Variants in SAXO1 observed in about 807,000 individuals in gnomAD.
SAXO1 encodes 4930500O09Rik.
A neutral mutation model predicts 17.5 loss-of-function variants in SAXO1; 21 were observed. The observed-to-expected ratio is 1.20, with a 90% confidence interval of 0.85 to 1.72. The LOEUF is 1.72. SAXO1 is among the 40% of genes most tolerant of loss of function. SAXO1 has a pLI of 0.00. For synonymous variants in SAXO1, 274 were observed against 216.5 expected, an observed-to-expected ratio of 1.27 and a Z score of -2.33; for missense variants, 843 against 596.0, an observed-to-expected ratio of 1.41 and a Z score of -4.32.
intron 1 of SAXO1, among the ~76,000 whole-genome samples, chr9:19,003,986 A>G (rs1307247131): frequency 6.6e-6 from 1 of 152,228 alleles, no homozygotes. Flanking sequence ...TTTGCAATCT[A>G]TCCATCTAAC....
chr9:18,966,610 C>G (rs1392047464), intron 1 of SAXO1, among the ~76,000 whole-genome samples: 1 of 152,182 alleles, frequency 6.6e-6, no homozygotes, highest in African/African-American at 2.4e-5. Flanking sequence ...ATATTCTTCT[C>G]TAAACTGGTT....
At chr9:18,986,743 G>A (rs1563963225) in intron 1 of SAXO1, among the ~76,000 whole-genome samples, 1 of 152,232 alleles carries the variant, frequency 6.6e-6, no homozygotes, top group African/African-American at 2.4e-5. Context: ...GTCACATACA[G>A]TTGTGCAGGT....
At chr9:18,930,199 G>A (rs1226783714) in intron 3 of SAXO1, among the ~76,000 whole-genome samples, 1 of 152,202 alleles carries the variant, frequency 6.6e-6, no homozygotes, top group Non-Finnish European at 1.5e-5. Context: ...AGGAGGAAAA[G>A]AACTTCAGAA....
chr9:18,985,816 C>A (rs570212818), intron 1 of SAXO1, among the ~76,000 whole-genome samples: 1 of 152,204 alleles, frequency 6.6e-6, no homozygotes, highest in Non-Finnish European at 1.5e-5. Flanking sequence ...AACACATAGA[C>A]TGCATTACAG....
chr9:19,014,460 C>CAAAAAA (rs375593725), intron 1 of SAXO1, among the ~76,000 whole-genome samples: 40,204 of 86,674 alleles, frequency 0.46, 8,951 homozygotes, highest in Non-Finnish European at 0.55. Flanking sequence ...AACTGTGTCT[C>CAAAAAA]AAAAAAAAAA....
intron 2 of SAXO1, among the ~76,000 whole-genome samples, chr9:18,943,840 C>A (rs570712016): frequency 1.4e-4 from 21 of 152,350 alleles, no homozygotes; most frequent in South Asian, 2.1e-4. Context: ...TCTAGGGATG[C>A]TTTCCAGTTG....
chr9:19,042,062 A>C (rs1836091617), intron 1 of SAXO1, among the ~76,000 whole-genome samples: 1 of 152,114 alleles, frequency 6.6e-6, no homozygotes, highest in African/African-American at 2.4e-5. Flanking sequence ...AAAATTAATC[A>C]GAATATATAA....
At chr9:18,990,300 C>A (rs929803621) in intron 1 of SAXO1, among the ~76,000 whole-genome samples, 1 of 152,094 alleles carries the variant, frequency 6.6e-6, no homozygotes, top group African/African-American at 2.4e-5. Context: ...GTTAAAATGG[C>A]AACCTCAGAG....
intron 1 of SAXO1, among the ~76,000 whole-genome samples, chr9:18,964,511 G>C (rs1053977399): frequency 6.6e-6 from 1 of 152,140 alleles, no homozygotes; most frequent in Non-Finnish European, 1.5e-5. Context: ...GAGAATGTAT[G>C]TTTCCAGGAA....
chr9:18,978,510 T>C (rs575621830), intron 1 of SAXO1, among the ~76,000 whole-genome samples: 1 of 152,352 alleles, frequency 6.6e-6, no homozygotes, highest in South Asian at 2.1e-4. Flanking sequence ...AATCTTCTGC[T>C]TTATAAACAA....
intron 1 of SAXO1, among the ~76,000 whole-genome samples, chr9:18,999,293 C>A (rs115849526): frequency 2.6e-5 from 4 of 152,162 alleles, no homozygotes; most frequent in Non-Finnish European, 5.9e-5. Flanking sequence ...GCCCAGCGAC[C>A]GCCCTGTCTG....
chr9:19,017,817 C>A (rs1019780915), intron 1 of SAXO1, among the ~76,000 whole-genome samples: 1 of 152,176 alleles, frequency 6.6e-6, no homozygotes, highest in Non-Finnish European at 1.5e-5. Flanking sequence ...AAAACAAAAA[C>A]CTTAAATCCA....
chr9:19,006,169 G>C (rs186801165), intron 1 of SAXO1, among the ~76,000 whole-genome samples: 1 of 152,334 alleles, frequency 6.6e-6, no homozygotes, highest in Admixed American at 6.5e-5. Flanking sequence ...TGCGTTGCTG[G>C]TGGGAATGTA....
chr9:19,006,479 C>A (rs74593645), intron 1 of SAXO1, among the ~76,000 whole-genome samples: 18 of 152,240 alleles, frequency 1.2e-4, no homozygotes, highest in Non-Finnish European at 1.8e-4. Flanking sequence ...CATGAGTGAA[C>A]CTTAGAGACA....
At chr9:19,047,843 G>A (rs1484324267) in intron 1 of SAXO1, among the ~76,000 whole-genome samples, 1 of 152,096 alleles carries the variant, frequency 6.6e-6, no homozygotes, top group Non-Finnish European at 1.5e-5. Flanking sequence ...TCCACCAAAT[G>A]AGCCAAAAAT....
intron 1 of SAXO1, among the ~76,000 whole-genome samples, chr9:19,042,777 G>A (rs13284130): frequency 0.11 from 16,475 of 152,048 alleles, 961 homozygotes; most frequent in Non-Finnish European, 0.13. Context: ...CAGGAGAATC[G>A]CTTGAACCGG....
At chr9:18,960,736 G>A (rs949423328) in intron 1 of SAXO1, among the ~76,000 whole-genome samples, 4 of 152,040 alleles carry the variant, frequency 2.6e-5, no homozygotes, top group African/African-American at 7.3e-5. Context: ...AGCTGTGTTC[G>A]GCCCCCTGCA....
At chr9:18,992,491 C>T (rs1833851667) in intron 1 of SAXO1, among the ~76,000 whole-genome samples, 1 of 152,200 alleles carries the variant, frequency 6.6e-6, no homozygotes, top group Non-Finnish European at 1.5e-5. Context: ...TCTGTAAAGA[C>T]TCTTTACCAA....
At chr9:18,996,779 C>T (rs1369187829) in intron 1 of SAXO1, among the ~76,000 whole-genome samples, 1 of 151,910 alleles carries the variant, frequency 6.6e-6, no homozygotes, top group Non-Finnish European at 1.5e-5. Context: ...AGATCAGAAA[C>T]AAGATAAGGA....
Sources: gnomAD v4.1 joint callset for allele counts (sites outside exome capture counted in the v4.1 genomes callset) on GRCh38, gnomAD v4.1.1 for gene constraint, MANE v1.5 for transcripts, NCBI Gene and HGNC (gene_info 2026-07-23, HGNC 2026-07-21) for gene names.